Variants in CSMD1 observed in about 807,000 individuals in gnomAD.
CSMD1 encodes the protein CUB and sushi domain-containing protein 1.
A neutral mutation model predicts 417.5 loss-of-function variants in CSMD1; 213 were observed. The observed-to-expected ratio is 0.51, with a 90% CI of 0.46 to 0.57. The LOEUF is 0.57. Ranked by LOEUF, CSMD1 falls within the 20% of genes least tolerant of loss-of-function variation. The pLI, the probability that CSMD1 is intolerant of heterozygous loss-of-function variation, is 0.00. For synonymous variants in CSMD1, 2,862 were observed against 1,736.8 expected (o/e 1.65, Z -16.11); for missense variants, 6,923 against 4,529.7 (o/e 1.53, Z -15.17).
intron 5 of CSMD1, among the ~76,000 whole-genome samples, chr8:3,801,851 T>C (rs1403205698): frequency 6.6e-6 from 1 of 152,066 alleles, no homozygotes. Flanking sequence ...ATCATTAAAG[T>C]AAGTCAATGA....
chr8:4,919,395 C>T (rs1021867098), intron 1 of CSMD1, among the ~76,000 whole-genome samples: 1 of 152,034 alleles, frequency 6.6e-6, no homozygotes. Flanking sequence ...AAATTTTATT[C>T]ATTAGAAATA....
intron 20 of CSMD1, among the ~76,000 whole-genome samples, chr8:3,361,993 A>G (rs1382007734): frequency 6.6e-6 from 1 of 152,204 alleles, no homozygotes; most frequent in Admixed American, 6.5e-5. Context: ...TTTGTCTAAC[A>G]CAAGAAAAGT....
intron 12 of CSMD1, among the ~76,000 whole-genome samples, chr8:3,466,991 C>G (rs576725500): frequency 6.6e-6 from 1 of 152,238 alleles, no homozygotes; most frequent in African/African-American, 2.4e-5. Flanking sequence ...AAAGATAACA[C>G]ATGACATTGA....
chr8:4,456,068 A>G (rs1585106932), intron 2 of CSMD1, among the ~76,000 whole-genome samples: 1 of 149,326 alleles, frequency 6.7e-6, no homozygotes, highest in African/African-American at 2.4e-5. Context: ...CCAAAAAAAA[A>G]AAAAAAAAAA....
intron 51 of CSMD1, among the ~76,000 whole-genome samples, chr8:3,022,957 T>G (rs1302367735): frequency 6.6e-6 from 1 of 152,190 alleles, no homozygotes; most frequent in African/African-American, 2.4e-5. Flanking sequence ...ATCAGCTGTC[T>G]CTGGGGCAAT....
intron 50 of CSMD1, among the ~76,000 whole-genome samples, chr8:3,037,902 A>AGTG (rs1810801007): frequency 6.6e-6 from 1 of 152,190 alleles, no homozygotes; most frequent in South Asian, 2.1e-4. Flanking sequence ...CTAGACCTTC[A>AGTG]TAACACTGTC....
intron 7 of CSMD1, among the ~76,000 whole-genome samples, chr8:3,693,834 T>A (rs1800390378): frequency 6.6e-6 from 1 of 150,466 alleles, no homozygotes; most frequent in African/African-American, 2.5e-5. Context: ...GGTGTGTGTG[T>A]TGTGTGTGTT....
chr8:4,984,095 G>A (rs1584952175), intron 1 of CSMD1, among the ~76,000 whole-genome samples: 1 of 152,174 alleles, frequency 6.6e-6, no homozygotes, highest in South Asian at 2.1e-4. Context: ...CAGTACTTAA[G>A]AAAACAAGAT....
At chr8:3,791,130 T>G (rs537188654) in intron 5 of CSMD1, among the ~76,000 whole-genome samples, 7 of 152,286 alleles carry the variant, frequency 4.6e-5, no homozygotes, top group African/African-American at 1.7e-4. Context: ...AAAGCTGGAG[T>G]GCATGACAAA....
intron 5 of CSMD1, among the ~76,000 whole-genome samples, chr8:3,888,420 A>G (rs551726656): frequency 1.3e-5 from 2 of 152,280 alleles, no homozygotes; most frequent in East Asian, 1.9e-4. Flanking sequence ...ACCTTTTTTT[A>G]CCTTAATGCA....
chr8:3,627,830 T>C (rs1414413691), intron 7 of CSMD1, among the ~76,000 whole-genome samples: 3 of 152,194 alleles, frequency 2.0e-5, no homozygotes, highest in African/African-American at 7.2e-5. Flanking sequence ...TATTAAGGTG[T>C]CTGATTTCAA....
At chr8:3,538,207 G>A (rs536340105) in intron 10 of CSMD1, among the ~76,000 whole-genome samples, 4 of 152,126 alleles carry the variant, frequency 2.6e-5, no homozygotes, top group Non-Finnish European at 5.9e-5. Flanking sequence ...ATTCCCACTA[G>A]CACCATCAGC....
At chr8:4,202,288 A>C (rs1394457583) in intron 3 of CSMD1, among the ~76,000 whole-genome samples, 2 of 152,122 alleles carry the variant, frequency 1.3e-5, no homozygotes, top group Non-Finnish European at 2.9e-5. Flanking sequence ...TTATGCTTTA[A>C]AAAAATGAAG....
chr8:4,223,308 C>T (rs55883145), intron 3 of CSMD1, among the ~76,000 whole-genome samples: 1,614 of 152,342 alleles, frequency 0.011, 30 homozygotes, highest in African/African-American at 0.036. Flanking sequence ...CCTGCACACT[C>T]GTGGGGACTC....
rs186659853 is a variant in CSMD1 at position 4,552,781 on chromosome 8, G to A, written c.302+84561C>T. Reference sequence around the variant, plus strand: ...ACAGTCATCTCAGAAGGGTGGTAAAGTGCTTTACACACCTAACCCCACCTC... The same window carrying A: ...ACAGTCATCTCAGAAGGGTGGTAAAATGCTTTACACACCTAACCCCACCTC... On this transcript the variant is annotated intron_variant, in intron 2 of 69. Transcript: ENST00000635120. 7.2e-5 allele frequency among the ~76,000 whole-genome samples: 11 copies of A among 152,138 alleles called. No homozygotes were observed. In the South Asian group the frequency reaches 8.3e-4, roughly 11 times the overall value.
intron 26 of CSMD1, among the ~76,000 whole-genome samples, chr8:3,243,323 A>T (rs1187631729): frequency 6.6e-6 from 1 of 152,078 alleles, no homozygotes; most frequent in Non-Finnish European, 1.5e-5. Context: ...ACCACATTTC[A>T]CTCGCGTCCA....
intron 3 of CSMD1, among the ~76,000 whole-genome samples, chr8:4,074,244 G>A (rs1046989157): frequency 1.3e-5 from 2 of 151,790 alleles, no homozygotes; most frequent in African/African-American, 2.4e-5. Flanking sequence ...CCCAGAGAAA[G>A]CAAAAACAAA....
At chr8:4,786,010 G>C (rs1033940809) in intron 1 of CSMD1, among the ~76,000 whole-genome samples, 1 of 152,204 alleles carries the variant, frequency 6.6e-6, no homozygotes, top group Non-Finnish European at 1.5e-5. Flanking sequence ...TTACCCAGCA[G>C]TGGCTGGAGC....
rs35722761 is a variant in CSMD1 at position 3,040,387 on chromosome 8, A to AATATATATATATATATAT, written c.7661-10892_7661-10875dup. Reference sequence around the variant, plus strand: ...GGTGTAGATAGCATATACACATTGAAATATATATATATATATATATATATA... The same window carrying AATATATATATATATATAT: ...GGTGTAGATAGCATATACACATTGAAATATATATATATATATATATATATATATATATATATATATATA... On this transcript the variant is annotated intron_variant, in intron 50 of 69. Transcript: ENST00000635120. 2.5e-3 allele frequency among the ~76,000 whole-genome samples: 348 copies of AATATATATATATATATAT among 137,434 alleles called. 2 individuals are homozygous for AATATATATATATATATAT. The highest frequency in any genetic ancestry group is 3.5e-3 in the Non-Finnish European group (222 of 64,114). The allele number at this position is 137,434 out of a possible 152,430, so 90.2% of individuals were successfully genotyped here.
Sources: allele counts gnomAD v4.1 joint callset (sites outside exome capture counted in the v4.1 genomes callset), GRCh38; gene constraint gnomAD v4.1.1; transcripts MANE v1.5; gene names NCBI Gene and HGNC (gene_info 2026-07-23, HGNC 2026-07-21).